The following RASAL2 variants were observed in gnomAD, a reference collection of about 807,000 sequenced individuals.
RASAL2 encodes RAS protein activator like 2.
RASAL2 carries 58 observed loss-of-function variants against 128.9 expected under a neutral mutation model. That is an observed-to-expected ratio of 0.45 (90% CI 0.36 to 0.56). The LOEUF is 0.56. RASAL2 is among the 20% of genes least tolerant of loss of function. RASAL2 has a pLI of 0.00. For synonymous variants in RASAL2, 561 were observed against 580.8 expected, an observed-to-expected ratio of 0.97 and a Z score of 0.49; for missense variants, 1,360 against 1,601.6, an observed-to-expected ratio of 0.85 and a Z score of 2.57.
intron 1 of RASAL2, among the ~76,000 whole-genome samples, chr1:178,233,133 A>C (rs999411377): frequency 6.6e-6 from 1 of 152,212 alleles, no homozygotes; most frequent in Admixed American, 6.5e-5. Context: ...ACCAGCTCTT[A>C]AGCAGCAACA....
chr1:178,215,311 C>T (rs1189210970), intron 1 of RASAL2, among the ~76,000 whole-genome samples: 1 of 152,202 alleles, frequency 6.6e-6, no homozygotes, highest in Non-Finnish European at 1.5e-5. Context: ...ATGGGTGGAA[C>T]TGATGTAAGC....
intron 1 of RASAL2, among the ~76,000 whole-genome samples, chr1:178,128,100 CG>C (rs1485125307): frequency 6.6e-6 from 1 of 152,058 alleles, no homozygotes; most frequent in Non-Finnish European, 1.5e-5. Flanking sequence ...TTCATCAACC[CG>C]GTTCTTCTGA....
chr1:178,258,901 C>T (rs1033008508), intron 1 of RASAL2, among the ~76,000 whole-genome samples: 2 of 151,970 alleles, frequency 1.3e-5, no homozygotes, highest in Non-Finnish European at 2.9e-5. Flanking sequence ...TGTAGTATAT[C>T]TATACAATAG....
chr1:178,297,029 CA>C (rs1667545374), intron 2 of RASAL2, among the ~76,000 whole-genome samples: 1 of 150,492 alleles, frequency 6.6e-6, no homozygotes, highest in Non-Finnish European at 1.5e-5. Flanking sequence ...TACAGGGCCA[CA>C]AGGGCAGAGA....
chr1:178,452,932 G>T (rs1677487639), intron 11 of RASAL2, among the ~76,000 whole-genome samples: 1 of 152,016 alleles, frequency 6.6e-6, no homozygotes, highest in Non-Finnish European at 1.5e-5. Flanking sequence ...TATTAAAAGT[G>T]CTGATAAAAA....
intron 4 of RASAL2, among the ~76,000 whole-genome samples, chr1:178,418,198 C>A (rs1674897330): frequency 6.6e-6 from 1 of 152,166 alleles, no homozygotes; most frequent in Non-Finnish European, 1.5e-5. Flanking sequence ...AACTTAACTA[C>A]TATTAGCCTA....
chr1:178,104,086 C>T (rs984750337), intron 1 of RASAL2, among the ~76,000 whole-genome samples: 2 of 151,956 alleles, frequency 1.3e-5, no homozygotes, highest in Non-Finnish European at 2.9e-5. Context: ...AAATAATTCT[C>T]TCTTGGTTTA....
At chr1:178,127,400 C>G (rs929193612) in intron 1 of RASAL2, among the ~76,000 whole-genome samples, 1 of 152,096 alleles carries the variant, frequency 6.6e-6, no homozygotes, top group Non-Finnish European at 1.5e-5. Context: ...TAATTGCAAT[C>G]CTCTTTTTTC....
At chr1:178,321,059 A>G (rs1668746802) in intron 3 of RASAL2, among the ~76,000 whole-genome samples, 1 of 152,172 alleles carries the variant, frequency 6.6e-6, no homozygotes, top group Non-Finnish European at 1.5e-5. Context: ...TCTAAAAAGT[A>G]CTTTATCTGT....
chr1:178,183,977 T>G (rs1662205254), intron 1 of RASAL2, among the ~76,000 whole-genome samples: 1 of 152,204 alleles, frequency 6.6e-6, no homozygotes, highest in Non-Finnish European at 1.5e-5. Flanking sequence ...GGTTAGTATT[T>G]TGGATTTTAG....
chr1:178,451,986 A>G (rs1364650435), intron 10 of RASAL2, among the ~76,000 whole-genome samples: 2 of 152,194 alleles, frequency 1.3e-5, no homozygotes, highest in Non-Finnish European at 2.9e-5. Context: ...TATCAAAAGT[A>G]TTTCTTTTGC....
At chr1:178,142,254 T>C (rs1660561269) in intron 1 of RASAL2, among the ~76,000 whole-genome samples, 1 of 151,950 alleles carries the variant, frequency 6.6e-6, no homozygotes, top group African/African-American at 2.4e-5. Flanking sequence ...TTAACTGCGG[T>C]TGGGGTAGAT....
chr1:178,260,598 A>G (rs1164516435), intron 1 of RASAL2, among the ~76,000 whole-genome samples: 1 of 151,232 alleles, frequency 6.6e-6, no homozygotes, highest in Admixed American at 6.6e-5. Flanking sequence ...AAGAAAAAAC[A>G]AATTCACTTA....
intron 1 of RASAL2, among the ~76,000 whole-genome samples, chr1:178,155,540 G>T (rs1309806837): frequency 6.7e-5 from 10 of 149,894 alleles, no homozygotes; most frequent in African/African-American, 2.4e-4. Context: ...AAAAAAATCT[G>T]TTACTGTCTT....
Position 178,175,934 on chromosome 1 carries a change from A to G in RASAL2, c.202+81240A>G, listed in dbSNP as rs112517461. On this transcript the variant is annotated intron_variant, in intron 1 of 17. Coordinates refer to ENST00000367649, the MANE Select transcript of RASAL2 (RefSeq NM_170692.4). ...GTATTCCATGGTGTATGTATACCAC[A>G]TTTTCTTTATTCACTTATTGGTTGA... Among the ~76,000 whole-genome samples the G allele has an allele frequency of 2.6e-3, 399 of 152,112 alleles. 1 individual carries two copies. The highest frequency in any genetic ancestry group is 4.8e-3 in the Non-Finnish European group (327 of 67,970).
intron 1 of RASAL2, among the ~76,000 whole-genome samples, chr1:178,129,294 C>T (rs888707021): frequency 1.3e-5 from 2 of 152,018 alleles, no homozygotes; most frequent in Admixed American, 6.6e-5. Context: ...TCCTAATGTA[C>T]GTAAAGTGGC....
chr1:178,126,643 T>C (rs1571510875), intron 1 of RASAL2, among the ~76,000 whole-genome samples: 1 of 152,252 alleles, frequency 6.6e-6, no homozygotes, highest in East Asian at 1.9e-4. Flanking sequence ...GTGGGAAAGC[T>C]CAAGAGTGAG....
intron 3 of RASAL2, among the ~76,000 whole-genome samples, chr1:178,331,583 CTTT>C (rs71731643): frequency 2.7e-5 from 3 of 110,212 alleles, no homozygotes; most frequent in African/African-American, 3.8e-5. Context: ...CTTCATGCAT[CTTT>C]TTTTTTTTTT....
At chr1:178,323,490 G>A (rs962064786) in intron 3 of RASAL2, among the ~76,000 whole-genome samples, 20 of 152,212 alleles carry the variant, frequency 1.3e-4, no homozygotes, top group Admixed American at 1.3e-3. Flanking sequence ...AAATATCATT[G>A]CACAGCCACA....
Sources: allele counts gnomAD v4.1 joint callset (sites outside exome capture counted in the v4.1 genomes callset), GRCh38; gene constraint gnomAD v4.1.1; transcripts MANE v1.5; gene names NCBI Gene and HGNC (gene_info 2026-07-23, HGNC 2026-07-21).